Variants in SHROOM3 observed in about 807,000 individuals in gnomAD.
SHROOM3 encodes shroom family member 3.
SHROOM3 carries 47 observed loss-of-function variants against 138.6 expected under a neutral mutation model. That is an observed-to-expected ratio of 0.34 (90% confidence interval 0.27 to 0.43). The LOEUF (loss-of-function observed/expected upper bound fraction) is 0.43. Among genes scored for constraint, SHROOM3 ranks in the 20% least tolerant of loss-of-function variants. SHROOM3 has a pLI of 1.00. For synonymous variants in SHROOM3, 1,062 were observed against 1,063.3 expected (o/e 1.00, Z 0.02); for missense variants, 2,491 against 2,596.5 (o/e 0.96, Z 0.88).
At chr4:76,596,977 A>G (rs140439241) in intron 2 of SHROOM3, among the ~76,000 whole-genome samples, 38 of 152,310 alleles carry the variant, frequency 2.5e-4, no homozygotes, top group African/African-American at 8.7e-4. Context: ...AGCTCTGCCT[A>G]TAGCTGAGGA....
At chr4:76,508,499 C>T (rs1732262213) in intron 1 of SHROOM3, among the ~76,000 whole-genome samples, 1 of 152,124 alleles carries the variant, frequency 6.6e-6, no homozygotes, top group African/African-American at 2.4e-5. Flanking sequence ...CTTCCAACTT[C>T]TTTCTTCTTT....
intron 1 of SHROOM3, among the ~76,000 whole-genome samples, chr4:76,530,626 T>C (rs548768312): frequency 1.3e-5 from 2 of 152,314 alleles, no homozygotes; most frequent in South Asian, 4.1e-4. Flanking sequence ...GAAGAAGCAA[T>C]GAACACTCAT....
intron 2 of SHROOM3, among the ~76,000 whole-genome samples, chr4:76,703,227 A>G (rs1395146473): frequency 6.6e-6 from 1 of 152,174 alleles, no homozygotes. Context: ...AGTACAAATG[A>G]ATGGCATGCC....
intron 1 of SHROOM3, among the ~76,000 whole-genome samples, chr4:76,472,884 G>A (rs767963067): frequency 6.6e-6 from 1 of 152,078 alleles, no homozygotes; most frequent in African/African-American, 2.4e-5. Flanking sequence ...TAGTAGAGAC[G>A]GAGTTTCACC....
chr4:76,724,270 T>C (rs1376527200), intron 3 of SHROOM3, among the ~76,000 whole-genome samples: 1 of 152,264 alleles, frequency 6.6e-6, no homozygotes, highest in Non-Finnish European at 1.5e-5. Flanking sequence ...TCTGACTTAC[T>C]GATATGCTCA....
chr4:76,598,646 C>T (rs1734440292), intron 2 of SHROOM3, among the ~76,000 whole-genome samples: 1 of 152,118 alleles, frequency 6.6e-6, no homozygotes, highest in Non-Finnish European at 1.5e-5. Flanking sequence ...TGCTTCGCCC[C>T]CTGGTGCAGC....
intron 3 of SHROOM3, among the ~76,000 whole-genome samples, chr4:76,722,597 C>G (rs570494050): frequency 6.6e-6 from 1 of 151,728 alleles, no homozygotes; most frequent in Non-Finnish European, 1.5e-5. Context: ...TATATAACAC[C>G]CCCAGTCCAT....
At chr4:76,514,666 A>G (rs17292877) in intron 1 of SHROOM3, among the ~76,000 whole-genome samples, 3,032 of 152,346 alleles carry the variant, frequency 0.02, 103 homozygotes, top group African/African-American at 0.066. Context: ...TAATTTTATG[A>G]TATGCGAATT....
chr4:76,526,161 A>T (rs1359146099), intron 1 of SHROOM3, among the ~76,000 whole-genome samples: 1 of 152,168 alleles, frequency 6.6e-6, no homozygotes, highest in African/African-American at 2.4e-5. Flanking sequence ...TGAGGTCAAG[A>T]TTCAAGACCA....
intron 3 of SHROOM3, among the ~76,000 whole-genome samples, chr4:76,712,812 A>C (rs1463570028): frequency 6.6e-6 from 1 of 152,206 alleles, no homozygotes; most frequent in African/African-American, 2.4e-5. Context: ...ATTGTTGCTG[A>C]ACATACTAGA....
intron 2 of SHROOM3, among the ~76,000 whole-genome samples, chr4:76,581,778 T>A (rs569931463): frequency 3.9e-5 from 6 of 152,226 alleles, no homozygotes; most frequent in African/African-American, 4.8e-5. Flanking sequence ...ACTGCCCAGT[T>A]TTCTTTCAAC....
intron 1 of SHROOM3, among the ~76,000 whole-genome samples, chr4:76,524,499 G>A (rs935604467): frequency 1.4e-4 from 21 of 152,214 alleles, no homozygotes; most frequent in African/African-American, 4.1e-4. Flanking sequence ...GAATTGGGAA[G>A]CAAAATGATG....
chr4:76,524,117 A>T (rs1732629218), intron 1 of SHROOM3, among the ~76,000 whole-genome samples: 1 of 152,078 alleles, frequency 6.6e-6, no homozygotes, highest in African/African-American at 2.4e-5. Context: ...AGTTAGCAGG[A>T]GGTAGAGGGT....
intron 1 of SHROOM3, among the ~76,000 whole-genome samples, chr4:76,450,220 C>G (rs1730898820): frequency 6.6e-6 from 1 of 152,158 alleles, no homozygotes; most frequent in Admixed American, 6.5e-5. Flanking sequence ...GTCAAAATTG[C>G]TTGGTTTGTC....
intron 10 of SHROOM3, among the ~76,000 whole-genome samples, chr4:76,776,023 G>A (rs1246239566): frequency 3.9e-5 from 6 of 152,010 alleles, no homozygotes; most frequent in African/African-American, 1.4e-4. Context: ...AATGATAGAT[G>A]TACTTTTCAT....
intron 3 of SHROOM3, among the ~76,000 whole-genome samples, chr4:76,722,958 T>A (rs1234473048): frequency 6.6e-6 from 1 of 152,084 alleles, no homozygotes; most frequent in Non-Finnish European, 1.5e-5. Context: ...TCTGAGTATA[T>A]TTTGTATTCT....
chr4:76,637,338 T>C (rs1735526554), intron 2 of SHROOM3, among the ~76,000 whole-genome samples: 1 of 152,200 alleles, frequency 6.6e-6, no homozygotes, highest in African/African-American at 2.4e-5. Flanking sequence ...TTTCCCGTTG[T>C]TTTTCTAGGT....
chr4:76,468,291 C>T (rs1047447744), intron 1 of SHROOM3, among the ~76,000 whole-genome samples: 1 of 152,210 alleles, frequency 6.6e-6, no homozygotes, highest in Non-Finnish European at 1.5e-5. Context: ...TTGGCAGTAT[C>T]TGTTGGAATT....
At chr4:76,599,712 C>T (rs1456348677) in intron 2 of SHROOM3, among the ~76,000 whole-genome samples, 1 of 152,152 alleles carries the variant, frequency 6.6e-6, no homozygotes, top group African/African-American at 2.4e-5. Flanking sequence ...CTCTGTGAAC[C>T]TCATCTGTAA....
Sources: gnomAD v4.1 joint callset for allele counts (sites outside exome capture counted in the v4.1 genomes callset) on GRCh38, gnomAD v4.1.1 for gene constraint, MANE v1.5 for transcripts, NCBI Gene and HGNC (gene_info 2026-07-23, HGNC 2026-07-21) for gene names.